The following ADCY1 variants were observed in gnomAD, a reference collection of about 807,000 sequenced individuals.
ADCY1 encodes adenylate cyclase 1, also known as adenylate cyclase type 1.
In ADCY1, 28 loss-of-function variants were observed where a neutral mutation model predicts 105.4. That is an observed-to-expected ratio of 0.27 (90% CI 0.20 to 0.36). ADCY1 has a LOEUF of 0.36. ADCY1 is among the 10% of genes least tolerant of loss of function. ADCY1 has a pLI of 1.00. For synonymous variants in ADCY1, 655 were observed against 623.8 expected (o/e 1.05, Z -0.75); for missense variants, 977 against 1,434.2 (o/e 0.68, Z 5.15).
intron 1 of ADCY1, among the ~76,000 whole-genome samples, chr7:45,589,256 C>T (rs1792830032): frequency 6.6e-6 from 1 of 152,170 alleles, no homozygotes; most frequent in Non-Finnish European, 1.5e-5. Flanking sequence ...CAGGGCCTGG[C>T]TGGTGTGGGC....
chr7:45,633,469 A>G (rs767789404), intron 4 of ADCY1, among the ~76,000 whole-genome samples: 5 of 152,246 alleles, frequency 3.3e-5, no homozygotes, highest in Admixed American at 6.5e-5. Context: ...AAACGATTAT[A>G]CATGTATTTA....
rs869216986 is a variant in ADCY1, at chr7:45,583,937, G to GTTT, written c.639+8781_639+8783dup. Among the ~76,000 whole-genome samples the GTTT allele has an allele frequency of 2.1e-3, 117 of 56,838 alleles. 13 individuals are homozygous for GTTT. Among genetic ancestry groups the GTTT allele is most frequent in the African/African-American group, 5.3e-3 (77 of 14,504 alleles). The allele number at this position is 56,838 out of a possible 152,430, so 37.3% of individuals were successfully genotyped here. A position where few individuals can be genotyped will look rare whatever the true frequency, so the allele number is the denominator to read the frequency against. On this transcript the variant is annotated intron_variant, in intron 1 of 19. Transcript: ENST00000297323. ...TTACAGGCATGAGCCACTGTGCCCT[G>GTTT]TTTTTTTTTTTTTTTTTTTTTTTTT...
chr7:45,681,952 A>G (rs929692594), intron 11 of ADCY1, among the ~76,000 whole-genome samples: 5 of 152,146 alleles, frequency 3.3e-5, no homozygotes, highest in Admixed American at 2.6e-4. Flanking sequence ...TGGCAGTTCC[A>G]TGGCCCCTTG....
chr7:45,683,676 G>A (rs919300375), intron 11 of ADCY1, among the ~76,000 whole-genome samples: 1 of 152,122 alleles, frequency 6.6e-6, no homozygotes, highest in African/African-American at 2.4e-5. Flanking sequence ...GATGATGGAG[G>A]GCTGCTGTTC....
Position 45,592,885 on chromosome 7 carries a change from C to T in ADCY1, c.766C>T (p.Leu256=). The change falls in exon 2 of 20, where the codon CTG becomes TTG. Residue 256 remains leucine (L), a synonymous_variant. Transcript: ENST00000297323. The stretch of plus-strand genomic sequence containing the variant: ...GAGCTGCATTGAGGACCGACTGAGG[C>T]TGGAGGATGAGAACGAGAAGCAGGT... ...ARSCIEDRLR[L]EDENEKQERL... 5.0e-6 allele frequency: 8 copies of T among 1,614,172 alleles called. No individual in the cohort carries two copies. The highest frequency in any genetic ancestry group is 6.8e-6 in the Non-Finnish European group (8 of 1,180,042).
intron 11 of ADCY1, chr7:45,680,298 C>T (rs1014155784): frequency 6.1e-5 from 12 of 197,082 alleles, no homozygotes; most frequent in Non-Finnish European, 1.2e-4. Flanking sequence ...GTGACATTTT[C>T]CAGGTACATT....
rs776216758 is a variant in ADCY1 at position 45,703,522 on chromosome 7, C to T, written c.2571+30C>T. ...GCACCCAGCCTGCTCCTGGCCAGCACTAGCCCTACACTGCTCTGGCCACCC... is the reference window on the plus strand; with the variant it reads ...GCACCCAGCCTGCTCCTGGCCAGCATTAGCCCTACACTGCTCTGGCCACCC... On this transcript the variant is annotated intron_variant, in intron 15 of 19. Coordinates refer to ENST00000297323, the MANE Select transcript of ADCY1 (RefSeq NM_021116.4). This position sits in a 1 kb window ranked among gnomAD's most constrained non-coding sequence, Gnocchi z 5.9. 18 of 1,613,840 alleles carry T rather than the reference C, an allele frequency of 1.1e-5. No homozygotes were observed. The highest frequency in any genetic ancestry group is 1.4e-5 in the Non-Finnish European group (16 of 1,179,914).
At position 45,685,510 on chromosome 7, in the gene ADCY1, G is replaced by A. The variant is rs190302745; in HGVS notation, c.2073+442G>A. On this transcript the variant is annotated intron_variant, in intron 12 of 19. Transcript: ENST00000297323. ...TAACAAGATGGAGCTGGAGGCAGGA[G>A]AAACAGGAAGGACAGAGCTGGGGGC... is the stretch of plus-strand genomic sequence containing the variant. Among the ~76,000 whole-genome samples the A allele has an allele frequency of 8.8e-4, 133 of 151,932 alleles. 1 individual carries two copies. Among genetic ancestry groups the A allele is most frequent in the African/African-American group, 3.1e-3 (128 of 41,358 alleles).
intron 1 of ADCY1, among the ~76,000 whole-genome samples, chr7:45,586,781 C>T (rs1792739897): frequency 6.6e-6 from 1 of 152,226 alleles, no homozygotes; most frequent in Non-Finnish European, 1.5e-5. Context: ...TGGGAGGTGG[C>T]AGGCTGATCG....
In ADCY1 at chr7:45,638,696, C is replaced by T. The variant is rs554678963; in HGVS notation, c.1021-9974C>T. Among the ~76,000 whole-genome samples the T allele has an allele frequency of 5.3e-5, 8 of 150,978 alleles. No individual in the cohort carries two copies. The South Asian group carries it at 8.4e-4, about 16-fold the overall frequency. On this transcript the variant is annotated intron_variant, in intron 4 of 19. Coordinates refer to ENST00000297323, the MANE Select transcript of ADCY1 (RefSeq NM_021116.4). ...CTGTGAAGTAGGAGCATGTGAGATG[C>T]GTGTCCCTCAGATGTGCTCACGTTG... is the stretch of plus-strand genomic sequence containing the variant.
intron 1 of ADCY1, among the ~76,000 whole-genome samples, chr7:45,585,864 G>A (rs1792707597): frequency 6.6e-6 from 1 of 152,164 alleles, no homozygotes; most frequent in Non-Finnish European, 1.5e-5. Flanking sequence ...TGTCACAGGT[G>A]CTGTGGGTGG....
rs370370200 is a variant in ADCY1 at position 45,592,740 on chromosome 7, C to T, written c.640-19C>T. On this transcript the variant is annotated intron_variant, in intron 1 of 19. Coordinates refer to ENST00000297323, the MANE Select transcript of ADCY1 (RefSeq NM_021116.4). The stretch of plus-strand genomic sequence containing the variant: ...GTGGGATGTCAGGCTCCACATGTTG[C>T]CTCCTTCTCTCCCTGCAGCTCGGTG... 17 of 1,613,632 alleles carry T rather than the reference C, an allele frequency of 1.1e-5. No homozygotes were observed. Among genetic ancestry groups the T allele is most frequent in the African/African-American group, 6.7e-5 (5 of 74,934 alleles).
intron 14 of ADCY1, among the ~76,000 whole-genome samples, chr7:45,690,630 A>G (rs1478744159): frequency 1.3e-5 from 2 of 152,206 alleles, no homozygotes; most frequent in African/African-American, 4.8e-5. Flanking sequence ...CTGCAGATAC[A>G]GCACATACCT....
chr7:45,639,044 T>C (rs1278750263), intron 4 of ADCY1, among the ~76,000 whole-genome samples: 2 of 151,428 alleles, frequency 1.3e-5, no homozygotes, highest in African/African-American at 4.9e-5. Flanking sequence ...CTTGTGTTGG[T>C]GATGCAAGTG....
intron 3 of ADCY1, among the ~76,000 whole-genome samples, chr7:45,610,860 G>GAA (rs1793549678): frequency 3.6e-5 from 1 of 27,752 alleles, no homozygotes; most frequent in Non-Finnish European, 8.0e-5. Flanking sequence ...TTGGAGTTGT[G>GAA]GAGATGATGG....
intron 14 of ADCY1, among the ~76,000 whole-genome samples, chr7:45,690,598 T>G (rs6974374): frequency 0.6 from 90,900 of 152,098 alleles, 27,749 homozygotes; most frequent in East Asian, 0.79. Flanking sequence ...GCCTCCCTGG[T>G]ACAGAACCGG....
chr7:45,633,815 A>C (rs1371781641), intron 4 of ADCY1, among the ~76,000 whole-genome samples: 5 of 152,020 alleles, frequency 3.3e-5, no homozygotes, highest in Non-Finnish European at 7.4e-5. Context: ...AAAAAAAAAA[A>C]AAAAAGTAAT....
At chr7:45,592,692 C>T (rs541665553) in intron 1 of ADCY1, 67 bp from the exon 2 acceptor site, 36 of 1,597,190 alleles carry the variant, frequency 2.3e-5, no homozygotes, top group Admixed American at 6.7e-5. Context: ...GCTCTCCGGG[C>T]GGCCTAGGCC....
rs1438955118 is a variant in ADCY1 at position 45,708,442 on chromosome 7, C to T, written c.2910C>T (p.Tyr970=). ...DVLDEINYQS[Y]NDFVLRVGIN... ...TGGATGAAATCAACTACCAGTCTTA[C>T]AACGACTTTGTCCTCCGAGTTGGTA... Residue 970 remains tyrosine, a synonymous_variant, in exon 18 of 20, where the codon TAC becomes TAT. Transcript: ENST00000297323. The surrounding 1 kb of genome is among the most constrained non-coding windows in gnomAD (Gnocchi z 4.7). 2 of 1,614,036 alleles carry T rather than the reference C, an allele frequency of 1.2e-6. No homozygotes were observed. The highest frequency in any genetic ancestry group is 1.7e-6 in the Non-Finnish European group (2 of 1,179,866).
Sources: gnomAD v4.1 joint callset for allele counts (sites outside exome capture counted in the v4.1 genomes callset) on GRCh38, gnomAD v4.1.1 for gene constraint, Gnocchi (gnomAD v3.1) non-coding constraint, MANE v1.5 for transcripts, NCBI Gene and HGNC (gene_info 2026-07-23, HGNC 2026-07-21) for gene names.